The following PTP4A3 variants were observed in gnomAD, a reference collection of about 807,000 sequenced individuals.
PTP4A3 encodes protein tyrosine phosphatase type IVA 3.
PTP4A3 carries 9 observed loss-of-function variants against 15.2 expected under a neutral mutation model. That is an observed-to-expected ratio of 0.59 (90% confidence interval 0.36 to 1.03). The LOEUF (loss-of-function observed/expected upper bound fraction) is 1.03, where lower values mean the gene tolerates loss of function less well. Among genes scored for constraint, PTP4A3 ranks in the 50% least tolerant of loss-of-function variants. The pLI is 0.02. For missense variants in PTP4A3, 234 were observed against 252.1 expected, an observed-to-expected ratio of 0.93 and a Z score of 0.49; for synonymous variants, 95 against 102.0, an observed-to-expected ratio of 0.93 and a Z score of 0.41.
chr8:141,406,081 G>A lies in PTP4A3; in HGVS notation c.-854+13997G>A, dbSNP rs1246858530. Among the ~76,000 whole-genome samples the A allele has an allele frequency of 6.6e-6, 1 of 152,128 alleles. No individual in the cohort carries two copies. The highest frequency in any genetic ancestry group is 1.5e-5 in the Non-Finnish European group (1 of 68,034). On this transcript the variant is annotated intron_variant, in intron 1 of 5. Coordinates refer to ENST00000521578, the MANE Select transcript of PTP4A3 (RefSeq NM_032611.3). This position sits in a 1 kb window ranked among gnomAD's most constrained non-coding sequence, Gnocchi z 4.5. ...ACCACTGGAGGCTTTGAGCGGAGGG[G>A]GCTATGATCTGACTTAGGTCGAGGA...
rs1004743099 is a variant in PTP4A3 at position 141,431,315 on chromosome 8, C to T, written c.*271C>T. The T allele has an allele frequency of 7.1e-5, 37 of 522,086 alleles. No individual in the cohort carries two copies. The highest frequency in any genetic ancestry group is 5.0e-4 in the Middle Eastern group (1 of 1,982). 32.3% of individuals were successfully genotyped at this position (522,086 alleles called of 1,614,324 possible). A position where few individuals can be genotyped will look rare whatever the true frequency, so the allele number is the denominator to read the frequency against. ...CTCTGTCTCTCTGAGGTGGGTCGGG[C>T]GCCCTCTGCCCGCCCCCTCCCACAC... On this transcript the variant is annotated 3_prime_UTR_variant, in exon 6 of 6. Transcript: ENST00000521578.
intron 1 of PTP4A3, chr8:141,392,522 C>T (rs963277898): frequency 6.6e-6 from 1 of 152,392 alleles, no homozygotes; most frequent in African/African-American, 2.4e-5. Flanking sequence ...TTCCGTGCCT[C>T]CAGGGCGGGT....
chr8:141,409,889 G>T (rs1415655153), intron 1 of PTP4A3, among the ~76,000 whole-genome samples: 2 of 152,240 alleles, frequency 1.3e-5, no homozygotes, highest in African/African-American at 4.8e-5. Flanking sequence ...ACTCCCTGGG[G>T]CAGTGCCTGC....
Position 141,431,143 on chromosome 8 carries a change from C to T in PTP4A3, c.*99C>T. 2.5e-6 allele frequency: 3 copies of T among 1,188,138 alleles called. No homozygotes were observed. The highest frequency in any genetic ancestry group is 3.7e-6 in the Non-Finnish European group (3 of 815,336). 73.6% of individuals were successfully genotyped at this position (1,188,138 alleles called of 1,614,324 possible). On this transcript the variant is annotated 3_prime_UTR_variant, in exon 6 of 6. Transcript: ENST00000521578. ...TGCTCTGCCCAGCCCAGCAGGGGCT[C>T]CAGGCCTTGGCTGGCCCCACATCGC...
intron 1 of PTP4A3, among the ~76,000 whole-genome samples, chr8:141,407,174 G>C (rs1418381858): frequency 1.3e-5 from 2 of 152,176 alleles, no homozygotes; most frequent in African/African-American, 4.8e-5. Context: ...TGCCTGCCCT[G>C]TGTCCCCACA....
intron 1 of PTP4A3, among the ~76,000 whole-genome samples, chr8:141,421,122 C>T (rs567862535): frequency 1.3e-5 from 2 of 152,322 alleles, no homozygotes; most frequent in African/African-American, 4.8e-5. Context: ...TCCCTGTCCC[C>T]TCTGTCCTCC....
intron 1 of PTP4A3, among the ~76,000 whole-genome samples, chr8:141,411,766 C>G (rs554759354): frequency 6.6e-6 from 1 of 152,350 alleles, no homozygotes; most frequent in Non-Finnish European, 1.5e-5. Context: ...CCCACGGGCC[C>G]TGGGTGGCAC....
intron 1 of PTP4A3, among the ~76,000 whole-genome samples, chr8:141,419,169 C>G (rs775792765): frequency 6.6e-6 from 1 of 152,144 alleles, no homozygotes; most frequent in Non-Finnish European, 1.5e-5. Flanking sequence ...GGAGCCTCCT[C>G]CCTCCCAGTA....
intron 1 of PTP4A3, among the ~76,000 whole-genome samples, chr8:141,408,838 G>A (rs1197500471): frequency 6.6e-6 from 1 of 152,210 alleles, no homozygotes; most frequent in East Asian, 1.9e-4. Context: ...ACCCACCCAG[G>A]GCTCAGGGCA....
chr8:141,398,525 C>G (rs990024848), intron 1 of PTP4A3, among the ~76,000 whole-genome samples: 4 of 152,152 alleles, frequency 2.6e-5, no homozygotes, highest in Admixed American at 6.5e-5. Context: ...GCAGGGCCTG[C>G]GGGGATCAGA....
chr8:141,401,777 TGGAGCGG>T (rs1832596723), intron 1 of PTP4A3, among the ~76,000 whole-genome samples: 1 of 152,130 alleles, frequency 6.6e-6, no homozygotes, highest in African/African-American at 2.4e-5. Context: ...GAACAGCAGG[TGGAGCGG>T]GGCTCCAAGG....
chr8:141,431,163 C>A lies in PTP4A3; in HGVS notation c.*119C>A. Reference sequence around the variant, plus strand: ...GGGCTCCAGGCCTTGGCTGGCCCCACATCGCCTTTTCCTCCCCGACACCTC... The same window carrying A: ...GGGCTCCAGGCCTTGGCTGGCCCCAAATCGCCTTTTCCTCCCCGACACCTC... On this transcript the variant is annotated 3_prime_UTR_variant, in exon 6 of 6. Coordinates refer to ENST00000521578, the MANE Select transcript of PTP4A3 (RefSeq NM_032611.3). 1.0e-6 allele frequency: 1 copy of A among 960,558 alleles called. No individual in the cohort carries two copies. The highest frequency in any genetic ancestry group is 2.2e-5 in the Admixed American group (1 of 44,946). 59.5% of individuals were successfully genotyped at this position (960,558 alleles called of 1,614,324 possible).
At chr8:141,409,090 C>T (rs535498739) in intron 1 of PTP4A3, among the ~76,000 whole-genome samples, 1 of 152,296 alleles carries the variant, frequency 6.6e-6, no homozygotes, top group Non-Finnish European at 1.5e-5. Flanking sequence ...CCTGGGGATC[C>T]CTGGCCCCAA....
chr8:141,422,831 A>G (rs1833398663), intron 2 of PTP4A3, among the ~76,000 whole-genome samples: 1 of 152,142 alleles, frequency 6.6e-6, no homozygotes, highest in African/African-American at 2.4e-5. Context: ...TGACCACAGG[A>G]GGGAGGGACC....
chr8:141,396,122 C>T (rs1203356447), intron 1 of PTP4A3, among the ~76,000 whole-genome samples: 1 of 152,230 alleles, frequency 6.6e-6, no homozygotes, highest in Non-Finnish European at 1.5e-5. Context: ...CTTGGCAGTG[C>T]CTGGTGATTG....
intron 1 of PTP4A3, among the ~76,000 whole-genome samples, chr8:141,420,385 G>A (rs1833272139): frequency 6.6e-6 from 1 of 152,182 alleles, no homozygotes; most frequent in Admixed American, 6.5e-5. Flanking sequence ...AAAGAGGCCG[G>A]CACCTTGCTC....
chr8:141,423,095 G>A lies in PTP4A3; in HGVS notation c.105+750G>A, dbSNP rs192442023. Among the ~76,000 whole-genome samples, 539 of 152,354 alleles carry A rather than the reference G, an allele frequency of 3.5e-3. 2 individuals are homozygous for A. The highest frequency in any genetic ancestry group is 5.6e-3 in the Non-Finnish European group (378 of 68,026). On this transcript the variant is annotated intron_variant, in intron 2 of 5. Coordinates refer to ENST00000521578, the MANE Select transcript of PTP4A3 (RefSeq NM_032611.3). ...GTGTGAGAGGCTGCAGCTGTGTGCAGGGTCATTTATGGCTGAGTCCTTTCC... is the reference window on the plus strand; with the variant it reads ...GTGTGAGAGGCTGCAGCTGTGTGCAAGGTCATTTATGGCTGAGTCCTTTCC...
intron 1 of PTP4A3, among the ~76,000 whole-genome samples, chr8:141,403,816 A>G (rs1366622871): frequency 6.6e-6 from 1 of 152,246 alleles, no homozygotes; most frequent in African/African-American, 2.4e-5. Flanking sequence ...GCACTTCAAA[A>G]TCAAACGATC....
At chr8:141,423,195 G>A (rs1041446735) in intron 2 of PTP4A3, among the ~76,000 whole-genome samples, 3 of 152,220 alleles carry the variant, frequency 2.0e-5, no homozygotes, top group African/African-American at 7.2e-5. Flanking sequence ...ATTAAGAACT[G>A]TAGAGCAGCA....
Sources: allele counts gnomAD v4.1 joint callset (sites outside exome capture counted in the v4.1 genomes callset), GRCh38; gene constraint gnomAD v4.1.1; non-coding constraint Gnocchi (gnomAD v3.1); transcripts MANE v1.5; gene names NCBI Gene and HGNC (gene_info 2026-07-23, HGNC 2026-07-21).